Variants in FLT3 observed in about 807,000 individuals in gnomAD.
FLT3 encodes the protein fms related receptor tyrosine kinase 3.
A neutral mutation model predicts 126.6 loss-of-function variants in FLT3; 46 were observed. The observed-to-expected ratio is 0.36, with a 90% CI of 0.29 to 0.46. The LOEUF is 0.46. FLT3 is among the 20% of genes least tolerant of loss of function. The pLI, the probability that FLT3 is intolerant of heterozygous loss-of-function variation, is 1.00. For synonymous variants in FLT3, 404 were observed against 434.4 expected (o/e 0.93, Z 0.87); for missense variants, 1,069 against 1,190.3 (o/e 0.90, Z 1.50).
Position 28,050,089 on chromosome 13 carries a change from T to C in FLT3, c.742+6A>G, listed in dbSNP as rs1160962516. 1 of 1,613,776 alleles carries C rather than the reference T, an allele frequency of 6.2e-7. No homozygotes were observed. Among genetic ancestry groups the C allele is most frequent in the Non-Finnish European group, 8.5e-7 (1 of 1,179,894 alleles). On this transcript the variant is annotated splice_donor_region_variant and intron_variant, in intron 6 of 23. Transcript: ENST00000241453. ...AAAATGAAAGTGCATGATATTATAG[T>C]GTTACCTATTGTGAACAGCCTGGTG...
chr13:28,051,694 G>A (rs7989654), intron 5 of FLT3, among the ~76,000 whole-genome samples: 89,942 of 151,244 alleles, frequency 0.59, 26,764 homozygotes, highest in East Asian at 0.76. Flanking sequence ...ACAGGTGCCC[G>A]CCACCACGCC....
At chr13:28,031,808 G>A (rs559279973) in intron 15 of FLT3, among the ~76,000 whole-genome samples, 5 of 152,302 alleles carry the variant, frequency 3.3e-5, no homozygotes, top group East Asian at 3.9e-4. Context: ...GGGAGGCAGC[G>A]GTGGCCCAGC....
Position 28,084,810 on chromosome 13 carries a change from C to T in FLT3, c.44-14198G>A, listed in dbSNP as rs931513410. On this transcript the variant is annotated intron_variant, in intron 1 of 23. Transcript: ENST00000241453. The stretch of plus-strand genomic sequence containing the variant: ...CTAACACGGTGAAACCCCGTCTATA[C>T]TAAAAATACAAAAAATTAGCCGGGC... Among the ~76,000 whole-genome samples, 4 of 151,882 alleles carry T rather than the reference C, an allele frequency of 2.6e-5. No individual in the cohort carries two copies. In the East Asian group the frequency reaches 7.8e-4, roughly 30 times the overall value.
chr13:28,052,043 T>G (rs1243701959), intron 5 of FLT3, among the ~76,000 whole-genome samples: 1 of 151,856 alleles, frequency 6.6e-6, no homozygotes, highest in East Asian at 1.9e-4. Context: ...GTCCTCCCTG[T>G]GAAGCCCACA....
intron 1 of FLT3, among the ~76,000 whole-genome samples, chr13:28,073,631 A>G (rs888195378): frequency 5.9e-5 from 9 of 152,114 alleles, no homozygotes; most frequent in Admixed American, 3.3e-4. Flanking sequence ...ATCCATCACC[A>G]CAATCAAAAT....
Position 28,069,408 on chromosome 13 carries a change from A to C in FLT3, c.165+1083T>G, listed in dbSNP as rs114690061. On this transcript the variant is annotated intron_variant, in intron 2 of 23. Transcript: ENST00000241453. The stretch of plus-strand genomic sequence containing the variant: ...GGGAACTAAACAGGGGTATAAACAG[A>C]AATCAATAAATACAAGAATAAGAGC... Among the ~76,000 whole-genome samples the C allele has an allele frequency of 4.8e-3, 732 of 152,338 alleles. 4 individuals are homozygous for C. Among genetic ancestry groups the C allele is most frequent in the African/African-American group, 0.016 (683 of 41,578 alleles).
At chr13:28,030,503 T>C (rs1015467869) in intron 15 of FLT3, among the ~76,000 whole-genome samples, 1 of 152,174 alleles carries the variant, frequency 6.6e-6, no homozygotes, top group African/African-American at 2.4e-5. Flanking sequence ...CTTGTCTTCC[T>C]GGATCTTAGA....
intron 16 of FLT3, among the ~76,000 whole-genome samples, chr13:28,027,533 T>C (rs1167350898): frequency 6.6e-6 from 1 of 152,260 alleles, no homozygotes. Flanking sequence ...GAAAGTAATG[T>C]TCTAGCTGTG....
At chr13:28,047,379 T>C (rs1274524354) in intron 9 of FLT3, among the ~76,000 whole-genome samples, 2 of 152,144 alleles carry the variant, frequency 1.3e-5, no homozygotes, top group African/African-American at 2.4e-5. Context: ...AAGTTGTTTT[T>C]TGTTTTCCAA....
intron 5 of FLT3, among the ~76,000 whole-genome samples, chr13:28,050,796 G>A (rs570824046): frequency 6.6e-6 from 1 of 151,502 alleles, no homozygotes; most frequent in East Asian, 1.9e-4. Flanking sequence ...GTACCACTTT[G>A]GAACAAAGTA....
chr13:28,038,004 G>A (rs1874001585), intron 9 of FLT3, among the ~76,000 whole-genome samples: 1 of 152,122 alleles, frequency 6.6e-6, no homozygotes, highest in African/African-American at 2.4e-5. Flanking sequence ...ATGGATCCTT[G>A]GTGCCAAAAA....
rs550310626 is a variant in FLT3 at position 28,041,243 on chromosome 13, A to C, written c.1206-3955T>G. The stretch of plus-strand genomic sequence containing the variant: ...GGCGTGGAAGTGGCCCAAGAGAAGA[A>C]AGACGTGAGCTTCTAAGAGAGAAAG... On this transcript the variant is annotated intron_variant, in intron 9 of 23. Coordinates refer to ENST00000241453, the MANE Select transcript of FLT3 (RefSeq NM_004119.3). Among the ~76,000 whole-genome samples, 8 of 152,232 alleles carry C rather than the reference A, an allele frequency of 5.3e-5. No homozygotes were observed. In the East Asian group the frequency reaches 1.5e-3, roughly 29 times the overall value.
At chr13:28,023,622 T>A in intron 18 of FLT3, 145 bp from the exon 19 acceptor site, 1 of 881,380 alleles carries the variant, frequency 1.1e-6, no homozygotes, top group Non-Finnish European at 1.7e-6. Context: ...GCATTAGAGA[T>A]GACCTGTTTA....
chr13:28,067,402 A>T (rs1461664939), intron 2 of FLT3, among the ~76,000 whole-genome samples: 1 of 152,154 alleles, frequency 6.6e-6, no homozygotes, highest in East Asian at 1.9e-4. Context: ...CAGAGGAGAG[A>T]GAATAGCATG....
chr13:28,019,217 T>A (rs1872167294), intron 19 of FLT3, among the ~76,000 whole-genome samples: 1 of 152,110 alleles, frequency 6.6e-6, no homozygotes, highest in African/African-American at 2.4e-5. Flanking sequence ...TCCACCCACC[T>A]CGGCCTCCCA....
intron 1 of FLT3, among the ~76,000 whole-genome samples, chr13:28,082,042 G>C (rs1044687521): frequency 6.6e-6 from 1 of 151,716 alleles, no homozygotes; most frequent in African/African-American, 2.4e-5. Context: ...TTTTAGTAAA[G>C]ACAGGGTTTC....
At chr13:28,058,406 G>A (rs770942240) in intron 3 of FLT3, among the ~76,000 whole-genome samples, 149 of 152,092 alleles carry the variant, frequency 9.8e-4, no homozygotes, top group Non-Finnish European at 1.8e-3. Flanking sequence ...CAGCTACTCA[G>A]GAGGCTGAGG....
rs140855900 is a variant in FLT3 at position 28,094,278 on chromosome 13, C to A, written c.43+6190G>T. 4.0e-4 allele frequency among the ~76,000 whole-genome samples: 61 copies of A among 152,256 alleles called. No individual in the cohort carries two copies. The East Asian group carries it at 0.011, about 27-fold the overall frequency. On this transcript the variant is annotated intron_variant, in intron 1 of 23. Coordinates refer to ENST00000241453, the MANE Select transcript of FLT3 (RefSeq NM_004119.3). ...AATATTCCAAGACCGAATTCAGTGACTATCTTATACACTGTCTTATACACT... is the reference window on the plus strand; with the variant it reads ...AATATTCCAAGACCGAATTCAGTGAATATCTTATACACTGTCTTATACACT...
Position 28,034,329 on chromosome 13 carries a change from G to A in FLT3, c.1676C>T (p.Thr559Ile), listed in dbSNP as rs1051730013. 2 of 1,613,248 alleles carry A rather than the reference G, an allele frequency of 1.2e-6. No individual in the cohort carries two copies. Among genetic ancestry groups the A allele is most frequent in the African/African-American group, 1.3e-5 (1 of 74,870 alleles). ...TTTGTACTTGTGACAAATTAGCAGG[G>A]TTAAAACGACAATGAAGAGGAGACA... ...GVCLLFIVVL[T>I]LLICHKYKKQ... The change falls in exon 13 of 24, where the codon ACC becomes ATC. Residue 559 changes from threonine (T) to isoleucine (I), a missense_variant. Transcript: ENST00000241453.
Sources: gnomAD v4.1 joint callset for allele counts (sites outside exome capture counted in the v4.1 genomes callset) on GRCh38, gnomAD v4.1.1 for gene constraint, MANE v1.5 for transcripts, NCBI Gene and HGNC (gene_info 2026-07-23, HGNC 2026-07-21) for gene names.